CSNK1G3: variants seen among roughly 807,000 people sequenced by gnomAD.
CSNK1G3 encodes the protein casein kinase I isoform gamma-3.
CSNK1G3 carries 23 observed loss-of-function variants against 64.3 expected under a neutral mutation model. The observed-to-expected ratio is 0.36, with a 90% CI of 0.26 to 0.51. The LOEUF is 0.51. Ranked by LOEUF, CSNK1G3 falls within the 20% of genes least tolerant of loss-of-function variation. The probability of loss-of-function intolerance (pLI) is 0.96; values close to 1 mark genes in which losing one functional copy is unlikely to be tolerated. For missense variants in CSNK1G3, 357 were observed against 510.5 expected (o/e 0.70, Z 2.90); for synonymous variants, 158 against 162.2 (o/e 0.97, Z 0.20).
chr5:123,575,366 TG>T (rs1788965760), intron 5 of CSNK1G3, among the ~76,000 whole-genome samples: 1 of 152,212 alleles, frequency 6.6e-6, no homozygotes, highest in Admixed American at 6.5e-5. Context: ...AAGATTATAT[TG>T]CAATGTTTTG....
At chr5:123,514,013 A>G (rs1299416394) in intron 1 of CSNK1G3, among the ~76,000 whole-genome samples, 1 of 152,236 alleles carries the variant, frequency 6.6e-6, no homozygotes, top group African/African-American at 2.4e-5. Flanking sequence ...AAAAGATAAA[A>G]GATAAAAATT....
chr5:123,603,197 G>C (rs1794782807), intron 10 of CSNK1G3, among the ~76,000 whole-genome samples: 1 of 152,066 alleles, frequency 6.6e-6, no homozygotes, highest in East Asian at 1.9e-4. Flanking sequence ...TGTAGGGTTG[G>C]AGAACTGATT....
intron 4 of CSNK1G3, among the ~76,000 whole-genome samples, chr5:123,560,218 C>T (rs1310681137): frequency 6.6e-6 from 1 of 152,072 alleles, no homozygotes; most frequent in Non-Finnish European, 1.5e-5. Context: ...AAACAATACA[C>T]AGAAAGCAAG....
At chr5:123,574,424 TA>T (rs1237746066) in intron 5 of CSNK1G3, among the ~76,000 whole-genome samples, 4 of 152,058 alleles carry the variant, frequency 2.6e-5, no homozygotes, top group Non-Finnish European at 4.4e-5. Flanking sequence ...ATGTTTATAA[TA>T]AAAAAAGGAG....
chr5:123,598,064 C>T (rs1406532274), intron 10 of CSNK1G3, among the ~76,000 whole-genome samples: 2 of 152,122 alleles, frequency 1.3e-5, no homozygotes, highest in African/African-American at 4.8e-5. Flanking sequence ...TGTTAAGTCA[C>T]TAGCTAAAAA....
intron 10 of CSNK1G3, among the ~76,000 whole-genome samples, chr5:123,592,120 T>C (rs1561591933): frequency 6.6e-6 from 1 of 152,078 alleles, no homozygotes; most frequent in East Asian, 1.9e-4. Flanking sequence ...GGAGATCATA[T>C]GTGGGGCTCT....
At chr5:123,583,125 G>A (rs1790629508) in intron 6 of CSNK1G3, among the ~76,000 whole-genome samples, 1 of 152,158 alleles carries the variant, frequency 6.6e-6, no homozygotes, top group South Asian at 2.1e-4. Context: ...AATTCAAAGA[G>A]GAAGTGCCTT....
At position 123,553,008 on chromosome 5, in the gene CSNK1G3, A is replaced by G. The variant is rs889300959; in HGVS notation, c.179-99A>G. ...AAATAGAAGCAAAAACCTATGCTTT[A>G]GTTAAATGTATTATGTGCTTTTTTT... On this transcript the variant is annotated intron_variant, in intron 2 of 12. Coordinates refer to ENST00000345990, the Ensembl canonical transcript of CSNK1G3. The G allele has an allele frequency of 8.2e-6, 5 of 606,904 alleles. No homozygotes were observed. In the African/African-American group the frequency reaches 9.8e-5, roughly 12 times the overall value. The allele number at this position is 606,904 out of a possible 1,614,324, so 37.6% of individuals were successfully genotyped here. A position where few individuals can be genotyped will look rare whatever the true frequency, so the allele number is the denominator to read the frequency against.
At chr5:123,613,264 T>G (rs986547269) in intron 12 of CSNK1G3, among the ~76,000 whole-genome samples, 4 of 151,906 alleles carry the variant, frequency 2.6e-5, no homozygotes, top group African/African-American at 7.3e-5. Context: ...CACAGCAGCC[T>G]TGATGTGTTC....
At chr5:123,615,585 C>T (rs1159666987) in exon 13 of CSNK1G3, 2 of 137,508 alleles carry the variant, frequency 1.5e-5, no homozygotes, top group Non-Finnish European at 3.2e-5. Flanking sequence ...TTTGAAGTGC[C>T]TGCATATGAA....
chr5:123,517,120 C>G (rs1777308519), intron 1 of CSNK1G3, among the ~76,000 whole-genome samples: 1 of 152,156 alleles, frequency 6.6e-6, no homozygotes. Flanking sequence ...GGTGGGTAGA[C>G]AAGCAAAGAC....
chr5:123,595,144 G>T lies in CSNK1G3; in HGVS notation c.1086+3730G>T, dbSNP rs1156399608. ...TGGTGGCTCGGTACAGGTATTTTCT[G>T]ATTTTTGCATGAGTGATTATTACCC... On this transcript the variant is annotated intron_variant, in intron 10 of 12. Transcript: ENST00000345990. 6.2e-7 allele frequency: 1 copy of T among 1,611,048 alleles called. No homozygotes were observed. The highest frequency in any genetic ancestry group is 2.2e-5 in the East Asian group (1 of 44,766).
chr5:123,611,568 A>G (rs1032395198), intron 12 of CSNK1G3, among the ~76,000 whole-genome samples: 1 of 152,222 alleles, frequency 6.6e-6, no homozygotes, highest in African/African-American at 2.4e-5. Context: ...TGGAAATACA[A>G]ACTAAGCAAA....
chr5:123,608,788 G>A (rs1290806787), intron 12 of CSNK1G3, among the ~76,000 whole-genome samples: 3 of 152,044 alleles, frequency 2.0e-5, no homozygotes, highest in Admixed American at 2.0e-4. Flanking sequence ...TCTGTGGTGG[G>A]GCCTGGTTAT....
chr5:123,591,612 T>A (rs1792383051), intron 10 of CSNK1G3, among the ~76,000 whole-genome samples, 198 bp downstream of exon 10: 1 of 152,094 alleles, frequency 6.6e-6, no homozygotes, highest in African/African-American at 2.4e-5. Flanking sequence ...ATGGTACAAA[T>A]TAGTGTAAAC....
chr5:123,572,828 T>C (rs1418883082), intron 4 of CSNK1G3, among the ~76,000 whole-genome samples: 1 of 152,226 alleles, frequency 6.6e-6, no homozygotes, highest in African/African-American at 2.4e-5. Context: ...CTCTTCCTTC[T>C]GATCAACTTA....
At chr5:123,587,513 T>G (rs1242858842) in intron 6 of CSNK1G3, among the ~76,000 whole-genome samples, 1 of 152,240 alleles carries the variant, frequency 6.6e-6, no homozygotes, top group East Asian at 1.9e-4. Context: ...TCAAGTAGTA[T>G]TTTTTGTGAT....
chr5:123,516,039 G>T (rs1410814239), intron 1 of CSNK1G3, among the ~76,000 whole-genome samples: 2 of 152,062 alleles, frequency 1.3e-5, no homozygotes, highest in African/African-American at 4.8e-5. Context: ...CCAATGATCT[G>T]TTTTTTCTTA....
At chr5:123,575,383 G>A (rs767695548) in intron 5 of CSNK1G3, among the ~76,000 whole-genome samples, 3 of 152,142 alleles carry the variant, frequency 2.0e-5, no homozygotes, top group Admixed American at 6.5e-5. Context: ...TTTTGCATAT[G>A]TCTGCTTATA....
Sources: gnomAD v4.1 joint callset for allele counts (sites outside exome capture counted in the v4.1 genomes callset) on GRCh38, gnomAD v4.1.1 for gene constraint, MANE v1.5 for transcripts, NCBI Gene and HGNC (gene_info 2026-07-23, HGNC 2026-07-21) for gene names.